Variants in SCAI observed in about 807,000 individuals in gnomAD.
SCAI encodes the protein protein SCAI.
A neutral mutation model predicts 92.2 loss-of-function variants in SCAI; 24 were observed. The observed-to-expected ratio is 0.26, with a 90% CI of 0.19 to 0.37. The LOEUF is 0.37. Ranked by LOEUF, SCAI falls within the 10% of genes least tolerant of loss-of-function variation. The probability of loss-of-function intolerance (pLI) is 1.00; values close to 1 mark genes in which losing one functional copy is unlikely to be tolerated. For missense variants in SCAI, 450 were observed against 736.2 expected, an observed-to-expected ratio of 0.61 and a Z score of 4.50; for synonymous variants, 261 against 258.6, an observed-to-expected ratio of 1.01 and a Z score of -0.09.
chr9:125,050,585 T>C (rs979875122), intron 3 of SCAI, among the ~76,000 whole-genome samples: 1 of 152,174 alleles, frequency 6.6e-6, no homozygotes, highest in African/African-American at 2.4e-5. Flanking sequence ...CTTTTCTTTT[T>C]ATAAAAGGGA....
At position 125,143,433 on chromosome 9, in the gene SCAI, AC is replaced by A; in HGVS notation, c.4del (p.Val2SerfsTer18). The A allele has an allele frequency of 7.2e-7, 1 of 1,391,824 alleles. No individual in the cohort carries two copies. Among genetic ancestry groups the A allele is most frequent in the Non-Finnish European group, 9.3e-7 (1 of 1,070,572 alleles). The allele number at this position is 1,391,824 out of a possible 1,614,324, so 86.2% of individuals were successfully genotyped here. On this transcript the variant is annotated frameshift_variant, in exon 1 of 18. Transcript: ENST00000336505. LOFTEE classifies it high-confidence loss of function. Reference protein sequence around the residue: MVRGARQPQQPR... With the variant: MXRGARQPQQPR... ...CTGCTGGGGCTGCCGGGCTCCTCTG[AC>A]CATCCGGCTCCTGCTCCGCCGCGGG...
At chr9:125,082,108 T>C (rs1043527931) in intron 2 of SCAI, among the ~76,000 whole-genome samples, 1 of 151,930 alleles carries the variant, frequency 6.6e-6, no homozygotes, top group African/African-American at 2.4e-5. Context: ...TAGGAGAATA[T>C]GGTTTTGTGG....
intron 2 of SCAI, among the ~76,000 whole-genome samples, chr9:125,103,568 G>C (rs1023881583): frequency 6.6e-6 from 1 of 152,082 alleles, no homozygotes; most frequent in Non-Finnish European, 1.5e-5. Flanking sequence ...CTCAACAAGC[G>C]GTCCTTACTA....
intron 2 of SCAI, among the ~76,000 whole-genome samples, chr9:125,138,866 T>C (rs147593659): frequency 2.6e-5 from 4 of 152,260 alleles, no homozygotes; most frequent in African/African-American, 9.6e-5. Context: ...ATTTCTACTA[T>C]ATAGATGAGG....
chr9:125,083,017 G>A (rs1414525119), intron 2 of SCAI, among the ~76,000 whole-genome samples: 1 of 152,148 alleles, frequency 6.6e-6, no homozygotes, highest in Non-Finnish European at 1.5e-5. Context: ...AAGGGCCAGG[G>A]GCAGAATAAG....
chr9:124,954,080 T>C (rs1472775129), intron 17 of SCAI, among the ~76,000 whole-genome samples: 1 of 151,658 alleles, frequency 6.6e-6, no homozygotes, highest in African/African-American at 2.4e-5. Flanking sequence ...GCTCAACCAA[T>C]CTACACGCCT....
At chr9:125,050,536 T>C (rs1218596815) in intron 3 of SCAI, among the ~76,000 whole-genome samples, 1 of 152,188 alleles carries the variant, frequency 6.6e-6, no homozygotes, top group Non-Finnish European at 1.5e-5. Flanking sequence ...CAGCCCTTTA[T>C]AATCAAGGTC....
At chr9:125,073,092 A>ATTTTTTTTTTTTTTTATT (rs1834010305) in intron 2 of SCAI, among the ~76,000 whole-genome samples, 1 of 72,448 alleles carries the variant, frequency 1.4e-5, no homozygotes, top group Non-Finnish European at 2.7e-5. Flanking sequence ...TCTATTTTTA[A>ATTTTTTTTTTTTTTTATT]TTTTTTTTTT....
intron 2 of SCAI, among the ~76,000 whole-genome samples, chr9:125,131,407 C>CA (rs200932061): frequency 0.021 from 1,343 of 63,040 alleles, 18 homozygotes; most frequent in Middle Eastern, 0.08. Flanking sequence ...GACTCCGTCT[C>CA]AAAAAAAAAA....
At chr9:125,026,782 C>G (rs377283023) in intron 6 of SCAI, 30 bp downstream of exon 6, 21 of 1,100,792 alleles carry the variant, frequency 1.9e-5, no homozygotes, top group Non-Finnish European at 2.9e-5. Flanking sequence ...GTTTTATCCT[C>G]ATCTTTCTAA....
At chr9:125,020,623 A>G in intron 7 of SCAI, 50 bp downstream of exon 7, 1 of 763,508 alleles carries the variant, frequency 1.3e-6, no homozygotes, top group Non-Finnish European at 2.2e-6. Context: ...AAATAAGATC[A>G]TCCATATACA....
intron 2 of SCAI, among the ~76,000 whole-genome samples, chr9:125,123,665 C>T (rs751462247): frequency 1.3e-5 from 2 of 152,120 alleles, no homozygotes; most frequent in Non-Finnish European, 2.9e-5. Flanking sequence ...ATCTCAGCTA[C>T]TTGGGAGGCT....
At chr9:125,090,848 G>A (rs1406666964) in intron 2 of SCAI, among the ~76,000 whole-genome samples, 1 of 152,150 alleles carries the variant, frequency 6.6e-6, no homozygotes, top group Non-Finnish European at 1.5e-5. Context: ...GCTGGGCACG[G>A]TGGCTCATGC....
chr9:125,061,628 CACATACCTGTGGTCCCAGCT>C (rs1264397972), intron 2 of SCAI, among the ~76,000 whole-genome samples: 3 of 152,024 alleles, frequency 2.0e-5, no homozygotes, highest in African/African-American at 7.2e-5. Flanking sequence ...GGCATGGTGG[CACATACCTGTGGTCCCAGCT>C]ACTCAGGAGA....
At chr9:125,053,125 A>G (rs1160175324) in intron 3 of SCAI, among the ~76,000 whole-genome samples, 1 of 152,210 alleles carries the variant, frequency 6.6e-6, no homozygotes, top group African/African-American at 2.4e-5. Context: ...ACCTGAGGTC[A>G]GGAGTTCAAG....
intron 14 of SCAI, among the ~76,000 whole-genome samples, chr9:124,979,152 T>G (rs926946846): frequency 2.0e-5 from 3 of 151,740 alleles, no homozygotes; most frequent in Admixed American, 2.0e-4. Flanking sequence ...TGAGCCACCA[T>G]GCCCAGCCTC....
intron 2 of SCAI, among the ~76,000 whole-genome samples, chr9:125,113,104 A>G (rs1482917258): frequency 1.3e-5 from 2 of 152,242 alleles, no homozygotes; most frequent in Non-Finnish European, 2.9e-5. Flanking sequence ...TTAAGTGTGC[A>G]CTGTGCAATG....
chr9:125,130,039 T>C (rs980963540), intron 2 of SCAI, among the ~76,000 whole-genome samples: 1 of 151,520 alleles, frequency 6.6e-6, no homozygotes, highest in Non-Finnish European at 1.5e-5. Context: ...GCTGGGATTA[T>C]AGGCGCCCAC....
chr9:125,078,920 C>A (rs993400702), intron 2 of SCAI, among the ~76,000 whole-genome samples: 7 of 152,000 alleles, frequency 4.6e-5, no homozygotes, highest in Admixed American at 2.6e-4. Context: ...GTAAGAAAAA[C>A]CAAAAATCAA....
Sources: allele counts gnomAD v4.1 joint callset (sites outside exome capture counted in the v4.1 genomes callset), GRCh38; gene constraint gnomAD v4.1.1; transcripts MANE v1.5; gene names NCBI Gene and HGNC (gene_info 2026-07-23, HGNC 2026-07-21).